Variants in CHAF1A observed in about 807,000 individuals in gnomAD.
The protein encoded by CHAF1A is CAF-1 subunit A.
CHAF1A carries 5 observed loss-of-function variants against 93.2 expected under a neutral mutation model. The observed-to-expected ratio is 0.05, with a 90% CI of 0.03 to 0.11. The LOEUF is 0.11. CHAF1A is among the 10% of genes least tolerant of loss of function. The probability of loss-of-function intolerance (pLI) is 1.00; values close to 1 mark genes in which losing one functional copy is unlikely to be tolerated. For synonymous variants in CHAF1A, 504 were observed against 510.3 expected, an observed-to-expected ratio of 0.99 and a Z score of 0.17; for missense variants, 1,102 against 1,259.9, an observed-to-expected ratio of 0.87 and a Z score of 1.90.
downstream of CHAF1A, chr19:4,445,806 CCTA>C: frequency 9.0e-7 from 1 of 1,112,538 alleles, no homozygotes; most frequent in Non-Finnish European, 1.2e-6. Flanking sequence ...TAAGCCTAAA[CCTA>C]CTGCACTAGC....
chr19:4,434,514 G>A (rs934603721), intron 13 of CHAF1A, among the ~76,000 whole-genome samples: 6 of 152,030 alleles, frequency 3.9e-5, no homozygotes, highest in African/African-American at 9.7e-5. Flanking sequence ...TGCTCTGCCC[G>A]TCCAATCCCT....
At chr19:4,418,294 G>A (rs1222146973) in intron 4 of CHAF1A, among the ~76,000 whole-genome samples, 1 of 151,862 alleles carries the variant, frequency 6.6e-6, no homozygotes, top group African/African-American at 2.4e-5. Flanking sequence ...GGTTTTGTGT[G>A]TGGCCTTTTC....
At chr19:4,446,462 C>T (rs753140624), downstream of CHAF1A, 22 of 1,584,162 alleles carry the variant, frequency 1.4e-5, no homozygotes, top group Middle Eastern at 1.7e-4. Flanking sequence ...TCTTCCACCC[C>T]GCCCCGCCCC....
intron 11 of CHAF1A, 107 bp from the exon 12 acceptor site, chr19:4,431,845 G>T (rs1974187946): frequency 6.9e-7 from 1 of 1,449,384 alleles, no homozygotes. Flanking sequence ...TTGTGCCCCT[G>T]TCCTTTCCTC....
intron 8 of CHAF1A, 80 bp downstream of exon 8, chr19:4,428,970 G>A (rs758859910): frequency 1.7e-4 from 194 of 1,159,566 alleles, no homozygotes; most frequent in Non-Finnish European, 2.3e-4. Context: ...CCCCGGGGTG[G>A]GAGCTCTGGG....
intron 13 of CHAF1A, among the ~76,000 whole-genome samples, chr19:4,434,309 G>A (rs1053642626): frequency 3.3e-5 from 5 of 152,332 alleles, no homozygotes; most frequent in African/African-American, 9.6e-5. Flanking sequence ...TCATGCCACT[G>A]CACTGCAACC....
chr19:4,443,014 G>A lies in CHAF1A; in HGVS notation c.2860G>A (p.Gly954Ser), dbSNP rs1395743822. ...GKATLTASPLGAS is the reference protein window; with the variant it reads ...GKATLTASPLSAS ...GGCCACCCTGACCGCGAGCCCACTG[G>A]GTGCATCCTGAGAGCAGGGGTGACG... is the stretch of plus-strand genomic sequence containing the variant. Residue 954 changes from glycine to serine, a missense_variant, in exon 15 of 15, where the codon GGT becomes AGT. Physicochemically the swap from Gly to Ser is moderately conservative, Grantham distance 56. Around this residue, in one of 6 missense-constraint regions of CHAF1A, gnomAD observed 119 missense variants for 102.2 expected, o/e 1.16. Transcript: ENST00000301280. 6.3e-7 allele frequency: 1 copy of A among 1,588,314 alleles called. No individual in the cohort carries two copies. The highest frequency in any genetic ancestry group is 1.8e-5 in the Admixed American group (1 of 55,804).
chr19:4,432,930 C>T (rs892791382), intron 12 of CHAF1A, 140 bp from the exon 13 acceptor site: 2 of 658,832 alleles, frequency 3.0e-6, no homozygotes, highest in Admixed American at 5.8e-5. Context: ...TTACACCCGC[C>T]CTCATGAGGC....
downstream of CHAF1A, chr19:4,445,676 G>C: frequency 6.3e-7 from 1 of 1,585,124 alleles, no homozygotes; most frequent in Non-Finnish European, 8.6e-7. Context: ...CCTTGCCGCG[G>C]CAGGGAACTC....
chr19:4,434,640 G>A (rs866193975), intron 13 of CHAF1A, among the ~76,000 whole-genome samples: 2 of 151,876 alleles, frequency 1.3e-5, no homozygotes, highest in Admixed American at 6.6e-5. Flanking sequence ...CAGTTCCTCC[G>A]TGTCTGTTTG....
chr19:4,413,757 T>C (rs1973849956), intron 3 of CHAF1A, among the ~76,000 whole-genome samples: 1 of 152,194 alleles, frequency 6.6e-6, no homozygotes, highest in South Asian at 2.1e-4. Context: ...GTGTTTTTGT[T>C]TGTTTTGGTT....
rs181384641 is a variant in CHAF1A, at chr19:4,411,101, G to A, written c.960+1342G>A. On this transcript the variant is annotated intron_variant, in intron 3 of 14. Transcript: ENST00000301280. The stretch of plus-strand genomic sequence containing the variant: ...TAGCACTTTTGTTTGTTCATGTTGG[G>A]TCTTTATATGAGAGTAGTAGATCCT... Among the ~76,000 whole-genome samples, 7 of 152,162 alleles carry A rather than the reference G, an allele frequency of 4.6e-5. No individual in the cohort carries two copies. The East Asian group carries it at 9.7e-4, about 21-fold the overall frequency.
intron 8 of CHAF1A, 43 bp from the exon 9 acceptor site, chr19:4,429,395 C>G (rs1763650515): frequency 1.2e-6 from 2 of 1,603,544 alleles, no homozygotes; most frequent in African/African-American, 1.3e-5. Flanking sequence ...GTGAGCAGGT[C>G]TGTAAGGCAG....
rs773021866 is a variant in CHAF1A, at chr19:4,408,993, G to C, written c.194G>C (p.Ser65Thr). Residue 65 changes from serine (S) to threonine (T), a missense_variant, in exon 3 of 15, where the codon AGC becomes ACC. Ser to Thr is a moderately conservative substitution (Grantham distance 58, BLOSUM62 1). Around this residue, in one of 6 missense-constraint regions of CHAF1A, gnomAD observed 379 missense variants for 365.7 expected, o/e 1.04. Coordinates refer to ENST00000301280, the MANE Select transcript of CHAF1A (RefSeq NM_005483.3). ...CAGGGTACTTCTGTGCAAAGTAAAA[G>C]CCCCGATTTAGAGGCCTCTTTGGAC... is the stretch of plus-strand genomic sequence containing the variant. ...DDQGTSVQSK[S>T]PDLEASLDTL... 15 of 1,614,168 alleles carry C rather than the reference G, an allele frequency of 9.3e-6. No homozygotes were observed. The highest frequency in any genetic ancestry group is 1.3e-5 in the Non-Finnish European group (15 of 1,180,032).
chr19:4,449,166 G>C (rs555050142), downstream of CHAF1A: 1 of 153,232 alleles, frequency 6.5e-6, no homozygotes, highest in East Asian at 1.9e-4. Context: ...ATCCACGCTC[G>C]GCACAGCCAT....
At chr19:4,408,811 C>A in intron 2 of CHAF1A, 92 bp from the exon 3 acceptor site, 2 of 1,456,480 alleles carry the variant, frequency 1.4e-6, no homozygotes, top group South Asian at 1.4e-5. Context: ...TTATCTCCCA[C>A]CCCCATGTCC....
Position 4,431,949 on chromosome 19 carries a change from A to G in CHAF1A, c.1948-3A>G. 3 of 1,601,358 alleles carry G rather than the reference A, an allele frequency of 1.9e-6. No homozygotes were observed. The highest frequency in any genetic ancestry group is 2.6e-6 in the Non-Finnish European group (3 of 1,170,546). On this transcript the variant is annotated splice_region_variant and splice_polypyrimidine_tract_variant and intron_variant, in intron 11 of 14. Coordinates refer to ENST00000301280, the MANE Select transcript of CHAF1A (RefSeq NM_005483.3). ...AATAAACTTCTGCTTTCTAAACCACAAGGAGTGTGCCGACCCTGAGAACCA... is the reference window on the plus strand; with the variant it reads ...AATAAACTTCTGCTTTCTAAACCACGAGGAGTGTGCCGACCCTGAGAACCA...
intron 13 of CHAF1A, among the ~76,000 whole-genome samples, chr19:4,439,952 G>A (rs900754823): frequency 6.6e-6 from 1 of 152,200 alleles, no homozygotes; most frequent in Admixed American, 6.5e-5. Context: ...GAGAGGGACA[G>A]CCTGGGCTCC....
At chr19:4,446,176 C>A, downstream of CHAF1A, 1 of 1,607,672 alleles carries the variant, frequency 6.2e-7, no homozygotes, top group Non-Finnish European at 8.5e-7. Context: ...CGCCCCCAGC[C>A]GCTCCCGAGC....
Sources: allele counts gnomAD v4.1 joint callset (sites outside exome capture counted in the v4.1 genomes callset), GRCh38; gene constraint gnomAD v4.1.1; regional missense constraint gnomAD v4.1.1; transcripts MANE v1.5; gene names NCBI Gene and HGNC (gene_info 2026-07-23, HGNC 2026-07-21).